The following LRBA variants were observed in gnomAD, a reference collection of about 807,000 sequenced individuals.
LRBA encodes the protein LPS responsive beige-like anchor protein.
LRBA carries 176 observed loss-of-function variants against 330.0 expected under a neutral mutation model. The observed-to-expected ratio is 0.53, with a 90% CI of 0.47 to 0.60. The LOEUF is 0.60. Among genes scored for constraint, LRBA ranks in the 20% least tolerant of loss-of-function variants. LRBA has a pLI of 0.00. For synonymous variants in LRBA, 1,230 were observed against 1,193.0 expected, an observed-to-expected ratio of 1.03 and a Z score of -0.64; for missense variants, 3,259 against 3,444.8, an observed-to-expected ratio of 0.95 and a Z score of 1.35.
chr4:150,406,496 A>C (rs1191545914), intron 47 of LRBA, among the ~76,000 whole-genome samples: 1 of 152,236 alleles, frequency 6.6e-6, no homozygotes, highest in East Asian at 1.9e-4. Flanking sequence ...TGAAAATAAA[A>C]TAATGGAAAA....
chr4:150,268,816 T>A (rs983827658), intron 56 of LRBA, among the ~76,000 whole-genome samples: 1 of 152,164 alleles, frequency 6.6e-6, no homozygotes, highest in Non-Finnish European at 1.5e-5. Flanking sequence ...AAAAAGTTTT[T>A]CCCCTATGAT....
chr4:150,481,570 C>A (rs1757302273), intron 42 of LRBA, among the ~76,000 whole-genome samples: 1 of 152,062 alleles, frequency 6.6e-6, no homozygotes, highest in Non-Finnish European at 1.5e-5. Flanking sequence ...TTCCCTTGCC[C>A]CAACTCTTGG....
In LRBA at chr4:150,908,328, A is replaced by T. The variant is rs779754215; in HGVS notation, c.1493+6T>A. ...GCCAATTAAAGAAACAAATAAAGGC[A>T]CTCACCATATAGTCAAATCAATCTC... On this transcript the variant is annotated splice_donor_region_variant and intron_variant, in intron 11 of 56. Coordinates refer to ENST00000651943, the MANE Select transcript of LRBA (RefSeq NM_001364905.1). The T allele has an allele frequency of 1.1e-5, 17 of 1,605,158 alleles. No homozygotes were observed. In the South Asian group the frequency reaches 1.8e-4, roughly 17 times the overall value.
At chr4:150,463,126 A>ATTT (rs1754989342) in intron 44 of LRBA, among the ~76,000 whole-genome samples, 1 of 151,972 alleles carries the variant, frequency 6.6e-6, no homozygotes, top group Non-Finnish European at 1.5e-5. Flanking sequence ...TTCCAAACTC[A>ATTT]CTTATTTCAT....
At chr4:150,899,917 T>A in intron 14 of LRBA, 132 bp downstream of exon 14, 1 of 573,676 alleles carries the variant, frequency 1.7e-6, no homozygotes, top group South Asian at 3.2e-5. Context: ...TCAATGAGAT[T>A]AAAATAAAAT....
intron 35 of LRBA, among the ~76,000 whole-genome samples, chr4:150,759,581 C>CA (rs1362658216): frequency 6.6e-6 from 1 of 152,098 alleles, no homozygotes; most frequent in Non-Finnish European, 1.5e-5. Flanking sequence ...CCATACCAAC[C>CA]TTTTTTACTT....
At chr4:150,489,612 A>AAGAATATATAATATATG (rs1561252256) in intron 41 of LRBA, among the ~76,000 whole-genome samples, 3 of 34,824 alleles carry the variant, frequency 8.6e-5, no homozygotes, top group Non-Finnish European at 2.4e-4. Flanking sequence ...TATAATATAT[A>AAGAATATATAATATATG]ATATATAAGA....
rs201634464 is a variant in LRBA at position 150,671,041 on chromosome 4, T to A, written c.5921+12510A>T. Among the ~76,000 whole-genome samples, 987 of 142,780 alleles carry A rather than the reference T, an allele frequency of 6.9e-3. 2 individuals are homozygous for A. Among genetic ancestry groups the A allele is most frequent in the African/African-American group, 0.022 (812 of 37,346 alleles). 93.7% of individuals were successfully genotyped at this position (142,780 alleles called of 152,430 possible). ...GTGTGTGTGTGTGTGTGTGTGTGTGTGAGAGAGAGAGAGAGAGAGAGACAG... is the reference window on the plus strand; with the variant it reads ...GTGTGTGTGTGTGTGTGTGTGTGTGAGAGAGAGAGAGAGAGAGAGAGACAG... On this transcript the variant is annotated intron_variant, in intron 37 of 56. Transcript: ENST00000651943.
At chr4:150,619,268 G>A (rs1473204070) in intron 37 of LRBA, among the ~76,000 whole-genome samples, 1 of 152,062 alleles carries the variant, frequency 6.6e-6, no homozygotes, top group Non-Finnish European at 1.5e-5. Flanking sequence ...GAAATCCATT[G>A]GGAAAAAGGC....
At chr4:150,664,300 G>T (rs1356313877) in intron 37 of LRBA, among the ~76,000 whole-genome samples, 3 of 152,132 alleles carry the variant, frequency 2.0e-5, no homozygotes, top group Non-Finnish European at 1.5e-5. Context: ...TATAAACAAT[G>T]GAAAGCTGTT....
intron 36 of LRBA, among the ~76,000 whole-genome samples, chr4:150,726,962 T>C (rs1678629651): frequency 7.1e-6 from 1 of 141,226 alleles, no homozygotes; most frequent in African/African-American, 2.5e-5. Flanking sequence ...CTTTCAGCAT[T>C]GGGCAGATCT....
intron 47 of LRBA, among the ~76,000 whole-genome samples, chr4:150,371,297 A>T (rs1330256303): frequency 2.1e-5 from 3 of 143,608 alleles, no homozygotes; most frequent in Non-Finnish European, 4.5e-5. Flanking sequence ...GGTTCAAGCG[A>T]TTCTCCTGAC....
chr4:150,608,843 G>T (rs1477664618), intron 37 of LRBA, among the ~76,000 whole-genome samples: 1 of 152,080 alleles, frequency 6.6e-6, no homozygotes, highest in Non-Finnish European at 1.5e-5. Flanking sequence ...TATATAAATG[G>T]AATCCATACA....
chr4:150,774,420 T>A (rs1302431072), intron 34 of LRBA, among the ~76,000 whole-genome samples: 2 of 152,206 alleles, frequency 1.3e-5, no homozygotes, highest in African/African-American at 4.8e-5. Context: ...ATTAACCCTT[T>A]CTCCTATCTC....
At chr4:150,795,878 A>G (rs897501753) in intron 34 of LRBA, among the ~76,000 whole-genome samples, 12 of 152,080 alleles carry the variant, frequency 7.9e-5, no homozygotes, top group African/African-American at 2.6e-4. Flanking sequence ...ATAACACAAA[A>G]AGAATATAAG....
chr4:150,900,633 T>C (rs1176400368), intron 13 of LRBA, among the ~76,000 whole-genome samples: 4 of 151,816 alleles, frequency 2.6e-5, no homozygotes, highest in Non-Finnish European at 5.9e-5. Flanking sequence ...AATCAGGAGC[T>C]AAAATGACTC....
Position 151,015,263 on chromosome 4 carries a change from GAGA to G in LRBA, c.-284_-282del. 1 of 153,118 alleles carries G rather than the reference GAGA, an allele frequency of 6.5e-6. No individual in the cohort carries two copies. Among genetic ancestry groups the G allele is most frequent in the Non-Finnish European group, 1.5e-5 (1 of 68,824 alleles). The allele number at this position is 153,118 out of a possible 1,614,324, so 9.5% of individuals were successfully genotyped here. A position where few individuals can be genotyped will look rare whatever the true frequency, so the allele number is the denominator to read the frequency against. On this transcript the variant is annotated 5_prime_UTR_variant, in exon 1 of 57. Transcript: ENST00000651943. ...GAGCAGCGAGACCGAGGTGGCGGCG[GAGA>G]TCCAGGGCAGGAAAAGGCGGGGGAA...
chr4:150,745,191 A>T (rs887489756), intron 35 of LRBA, among the ~76,000 whole-genome samples: 1 of 152,164 alleles, frequency 6.6e-6, no homozygotes, highest in Non-Finnish European at 1.5e-5. Context: ...GTAAAACCCT[A>T]AACAGAAGAT....
intron 40 of LRBA, among the ~76,000 whole-genome samples, chr4:150,552,288 T>C (rs1208612341): frequency 6.6e-6 from 1 of 152,170 alleles, no homozygotes; most frequent in African/African-American, 2.4e-5. Context: ...AAGAATATTA[T>C]ACTTTTCATA....
Sources: gnomAD v4.1 joint callset for allele counts (sites outside exome capture counted in the v4.1 genomes callset) on GRCh38, gnomAD v4.1.1 for gene constraint, MANE v1.5 for transcripts, NCBI Gene and HGNC (gene_info 2026-07-23, HGNC 2026-07-21) for gene names.